Variants in GLCCI1 observed in about 807,000 individuals in gnomAD.
GLCCI1 encodes the protein glucocorticoid-induced transcript 1 protein.
Under a neutral mutation model 52.2 loss-of-function variants are expected in GLCCI1, and 24 were observed. That is an observed-to-expected ratio of 0.46 (90% confidence interval 0.33 to 0.65). GLCCI1 has a LOEUF of 0.65. GLCCI1 is among the 30% of genes least tolerant of loss of function. GLCCI1 has a pLI of 0.02. For missense variants in GLCCI1, 704 were observed against 701.5 expected (o/e 1.00, Z -0.04); for synonymous variants, 310 against 276.5 (o/e 1.12, Z -1.20).
intron 1 of GLCCI1, among the ~76,000 whole-genome samples, chr7:8,001,329 T>C (rs890420512): frequency 2.1e-4 from 32 of 152,208 alleles, no homozygotes; most frequent in African/African-American, 7.2e-4. Context: ...AAATTCTGGG[T>C]TGAAAGTTCT....
chr7:8,077,421 C>T (rs1404666821), intron 6 of GLCCI1, among the ~76,000 whole-genome samples: 3 of 152,140 alleles, frequency 2.0e-5, no homozygotes, highest in African/African-American at 7.2e-5. Flanking sequence ...CCTCACATCT[C>T]TAATAAAGAC....
chr7:8,027,900 A>G lies in GLCCI1; in HGVS notation c.696+5331A>G, dbSNP rs568068437. On this transcript the variant is annotated intron_variant, in intron 3 of 7. Transcript: ENST00000223145. ...TCATTGTATAATGATAAAAGGGTCA[A>G]TTCAACAAGAGGATGTAATGATTGT... Among the ~76,000 whole-genome samples, 5 of 152,374 alleles carry G rather than the reference A, an allele frequency of 3.3e-5. No homozygotes were observed. In the South Asian group the frequency reaches 6.2e-4, roughly 19 times the overall value.
At chr7:8,063,615 C>CTTTTTTTTTT (rs917291629) in intron 5 of GLCCI1, among the ~76,000 whole-genome samples, 6 of 113,666 alleles carry the variant, frequency 5.3e-5, no homozygotes, top group Non-Finnish European at 7.2e-5. Context: ...ACTTTTCTTC[C>CTTTTTTTTTT]TTTTTTTTTT....
At chr7:7,981,102 A>G in intron 1 of GLCCI1, 1 of 466,026 alleles carries the variant, frequency 2.1e-6, no homozygotes, top group Middle Eastern at 4.2e-4. Context: ...CAGATATTAA[A>G]CCTCCGGAAA....
chr7:8,046,547 A>G (rs1782132198), intron 3 of GLCCI1, among the ~76,000 whole-genome samples: 1 of 152,220 alleles, frequency 6.6e-6, no homozygotes, highest in South Asian at 2.1e-4. Context: ...TGGTTTCCAT[A>G]ACTTCTTATC....
chr7:8,065,758 A>G (rs1782618220), intron 5 of GLCCI1, among the ~76,000 whole-genome samples: 1 of 152,172 alleles, frequency 6.6e-6, no homozygotes, highest in Non-Finnish European at 1.5e-5. Context: ...CTGCTTAGTC[A>G]TGGTGGATTC....
At chr7:8,008,108 CTT>C (rs3075789) in intron 2 of GLCCI1, among the ~76,000 whole-genome samples, 61,903 of 151,468 alleles carry the variant, frequency 0.41, 12,919 homozygotes, top group Middle Eastern at 0.52. Flanking sequence ...AATCTACTCT[CTT>C]AGCAATTTTC....
At chr7:7,972,744 T>C (rs1391102104) in intron 1 of GLCCI1, among the ~76,000 whole-genome samples, 1 of 152,088 alleles carries the variant, frequency 6.6e-6, no homozygotes, top group Non-Finnish European at 1.5e-5. Flanking sequence ...TAAATAGGAA[T>C]AGTCAATTTT....
chr7:8,028,579 G>A (rs1020462194), intron 3 of GLCCI1, among the ~76,000 whole-genome samples: 1 of 151,678 alleles, frequency 6.6e-6, no homozygotes, highest in Admixed American at 6.6e-5. Context: ...AAACCAAACT[G>A]AAAATTAGTA....
chr7:8,020,527 C>T (rs550332766), intron 2 of GLCCI1, among the ~76,000 whole-genome samples: 4 of 152,208 alleles, frequency 2.6e-5, no homozygotes, highest in Admixed American at 1.3e-4. Context: ...TTGCTGTTGG[C>T]GTGCTTGCCA....
intron 1 of GLCCI1, chr7:7,982,266 T>C (rs1406347783): frequency 9.1e-6 from 2 of 220,596 alleles, no homozygotes; most frequent in Non-Finnish European, 1.9e-5. Context: ...GGCTAACATA[T>C]TCACCCTTGT....
At chr7:8,014,404 A>T (rs532026984) in intron 2 of GLCCI1, among the ~76,000 whole-genome samples, 1 of 152,374 alleles carries the variant, frequency 6.6e-6, no homozygotes, top group South Asian at 2.1e-4. Context: ...CGTAGAGTAC[A>T]CATGCTTATT....
chr7:7,983,733 G>C (rs1458291601), intron 1 of GLCCI1, among the ~76,000 whole-genome samples: 3 of 152,160 alleles, frequency 2.0e-5, no homozygotes, highest in Non-Finnish European at 4.4e-5. Context: ...GTGAATATCT[G>C]ACAAAGGTTA....
At chr7:8,081,594 A>T (rs2127968790) in intron 6 of GLCCI1, among the ~76,000 whole-genome samples, 1 of 152,362 alleles carries the variant, frequency 6.6e-6, no homozygotes, top group African/African-American at 2.4e-5. Flanking sequence ...ACAATATACC[A>T]GATATAATAA....
intron 1 of GLCCI1, among the ~76,000 whole-genome samples, chr7:7,987,287 G>A (rs926074803): frequency 3.3e-5 from 5 of 152,088 alleles, no homozygotes; most frequent in African/African-American, 1.2e-4. Context: ...AACCCTAGCC[G>A]TTCTTTGCAA....
chr7:7,974,750 T>C (rs1049299847), intron 1 of GLCCI1, among the ~76,000 whole-genome samples: 1 of 152,188 alleles, frequency 6.6e-6, no homozygotes. Flanking sequence ...CCAAAGAGTA[T>C]AGTCTAATGA....
intron 2 of GLCCI1, among the ~76,000 whole-genome samples, chr7:8,008,452 A>G (rs1781200190): frequency 6.6e-6 from 1 of 151,968 alleles, no homozygotes; most frequent in Admixed American, 6.6e-5. Flanking sequence ...CCCTGCCATC[A>G]CGTCCAGCTA....
At chr7:8,022,442 G>A (rs1399958450) in intron 2 of GLCCI1, 41 bp from the exon 3 acceptor site, 2 of 1,117,812 alleles carry the variant, frequency 1.8e-6, no homozygotes, top group Non-Finnish European at 2.4e-6. Context: ...AGGAAGTAGA[G>A]ATAAAATTTC....
intron 1 of GLCCI1, 40 bp from the exon 2 acceptor site, chr7:8,003,868 T>A (rs1431193985): frequency 6.4e-7 from 1 of 1,563,196 alleles, no homozygotes; most frequent in Non-Finnish European, 8.7e-7. Flanking sequence ...AAATTTTATT[T>A]TATTCACTAA....
Sources: gnomAD v4.1 joint callset for allele counts (sites outside exome capture counted in the v4.1 genomes callset) on GRCh38, gnomAD v4.1.1 for gene constraint, MANE v1.5 for transcripts, NCBI Gene and HGNC (gene_info 2026-07-23, HGNC 2026-07-21) for gene names.